KLHDC8A: variants seen among roughly 807,000 people sequenced by gnomAD.
The protein encoded by KLHDC8A is kelch domain-containing protein 8A.
In KLHDC8A, 21 loss-of-function variants were observed where a neutral mutation model predicts 33.1. The ratio of observed to expected loss-of-function variants is 0.64; its 90% CI spans 0.45 to 0.91. KLHDC8A has a LOEUF of 0.91. Among genes scored for constraint, KLHDC8A ranks in the 40% least tolerant of loss-of-function variants. The pLI is 0.00. For missense variants in KLHDC8A, 435 were observed against 483.3 expected (o/e 0.90, Z 0.94); for synonymous variants, 173 against 193.5 (o/e 0.89, Z 0.88).
chr1:205,351,549 G>A, intron 1 of KLHDC8A: 3 of 626,806 alleles, frequency 4.8e-6, no homozygotes, highest in Non-Finnish European at 3.0e-6. Context: ...GTAAAAATTA[G>A]GTCATGTACA....
At chr1:205,338,707 C>T (rs2102278263) in intron 4 of KLHDC8A, 111 bp from the exon 5 acceptor site, 1 of 783,110 alleles carries the variant, frequency 1.3e-6, no homozygotes, top group Middle Eastern at 2.4e-4. Flanking sequence ...TGTCTTCACT[C>T]TATTTATCCT....
At position 205,339,652 on chromosome 1, in the gene KLHDC8A, T is replaced by G; in HGVS notation, c.533A>C (p.Tyr178Ser). Residue 178 changes from tyrosine (Y) to serine (S), a missense_variant, in exon 3 of 6, where the codon TAC becomes TCC. Transcript: ENST00000367155. The surrounding 1 kb of genome is among the most constrained non-coding windows in gnomAD (Gnocchi z 5.1). ...CAGTAACCTGTCCTTACCCAGCACGTAGATCTTGGAGCCTCGGAGGAAGGA... is the reference window on the plus strand; with the variant it reads ...CAGTAACCTGTCCTTACCCAGCACGGAGATCTTGGAGCCTCGGAGGAAGGA... ...ATSFLRGSKI[Y>S]VLGGRQSKYA... 1 of 1,613,838 alleles carries G rather than the reference T, an allele frequency of 6.2e-7. No homozygotes were observed. The highest frequency in any genetic ancestry group is 8.5e-7 in the Non-Finnish European group (1 of 1,179,970).
chr1:205,343,637 A>T lies in KLHDC8A; in HGVS notation c.-33T>A, dbSNP rs1235881242. The stretch of plus-strand genomic sequence containing the variant: ...TTGGGGAGCGCCCGGGCGCCGGGAG[A>T]GGTGCGAGCGCGGGGGTCCACCGGC... On this transcript the variant is annotated 5_prime_UTR_variant, in exon 2 of 6. Transcript: ENST00000367155. The T allele has an allele frequency of 6.5e-7, 1 of 1,537,546 alleles. No homozygotes were observed. The highest frequency in any genetic ancestry group is 1.2e-5 in the South Asian group (1 of 80,704).
chr1:205,351,711 G>A (rs1558690391), intron 1 of KLHDC8A, among the ~76,000 whole-genome samples: 1 of 151,798 alleles, frequency 6.6e-6, no homozygotes, highest in African/African-American at 2.4e-5. Context: ...CTGAGGTCGG[G>A]AGTTTGAGAC....
chr1:205,339,835 T>C lies in KLHDC8A; in HGVS notation c.377-27A>G. 6.2e-7 allele frequency: 1 copy of C among 1,606,966 alleles called. No individual in the cohort carries two copies. The highest frequency in any genetic ancestry group is 8.5e-7 in the Non-Finnish European group (1 of 1,175,908). The stretch of plus-strand genomic sequence containing the variant: ...TAAGAAGAAAGGCCATACATGCCCC[T>C]GGCTTAGCTCACAGGTACAGCAAGA... On this transcript the variant is annotated intron_variant, in intron 2 of 5. Transcript: ENST00000367155. The surrounding 1 kb of genome is among the most constrained non-coding windows in gnomAD (Gnocchi z 5.1).
At chr1:205,338,876 G>C (rs890621929) in intron 4 of KLHDC8A, among the ~76,000 whole-genome samples, 1 of 152,068 alleles carries the variant, frequency 6.6e-6, no homozygotes, top group Non-Finnish European at 1.5e-5. Context: ...GAGGAGTCAG[G>C]ATCCTTCTGT....
At chr1:205,344,158 G>T (rs1432233251) in intron 1 of KLHDC8A, 1 of 152,346 alleles carries the variant, frequency 6.6e-6, no homozygotes, top group Non-Finnish European at 1.5e-5. Context: ...GGAGCGCGGC[G>T]GCGAGGCGCA....
chr1:205,346,654 T>A (rs1023235934), intron 1 of KLHDC8A, among the ~76,000 whole-genome samples: 2 of 152,124 alleles, frequency 1.3e-5, no homozygotes, highest in Middle Eastern at 3.2e-3. Flanking sequence ...TGAGCCTTAA[T>A]GAGATGAAGT....
At chr1:205,347,447 T>C (rs1219480479) in intron 1 of KLHDC8A, among the ~76,000 whole-genome samples, 1 of 152,246 alleles carries the variant, frequency 6.6e-6, no homozygotes, top group Non-Finnish European at 1.5e-5. Flanking sequence ...ACGCTGGATG[T>C]GGTGGCTTGT....
At chr1:205,351,383 T>A in intron 1 of KLHDC8A, 1 of 870,070 alleles carries the variant, frequency 1.1e-6, no homozygotes, top group Non-Finnish European at 2.0e-6. Context: ...GATGAATGTG[T>A]GGAAATGGCG....
At chr1:205,342,505 G>C (rs369106068) in intron 2 of KLHDC8A, among the ~76,000 whole-genome samples, 8 of 152,332 alleles carry the variant, frequency 5.3e-5, no homozygotes, top group African/African-American at 1.2e-4. Flanking sequence ...GGACAGAGCA[G>C]GTGCTCAAGA....
chr1:205,351,344 G>T lies in KLHDC8A; in HGVS notation c.-190+5189C>A, dbSNP rs1663100129. 8 of 910,348 alleles carry T rather than the reference G, an allele frequency of 8.8e-6. No individual in the cohort carries two copies. The East Asian group carries it at 1.9e-4, about 22-fold the overall frequency. 56.4% of individuals were successfully genotyped at this position (910,348 alleles called of 1,614,324 possible). ...AGACATGTCCAAGGAATATTGCGGGGATTTGATCCCTTTATGAACCTTGTG... is the reference window on the plus strand; with the variant it reads ...AGACATGTCCAAGGAATATTGCGGGTATTTGATCCCTTTATGAACCTTGTG... On this transcript the variant is annotated intron_variant, in intron 1 of 5. Coordinates refer to ENST00000367155, the MANE Select transcript of KLHDC8A (RefSeq NM_018203.3).
intron 1 of KLHDC8A, among the ~76,000 whole-genome samples, chr1:205,346,038 C>A (rs1258103428): frequency 6.6e-6 from 1 of 152,214 alleles, no homozygotes; most frequent in Admixed American, 6.5e-5. Flanking sequence ...TGCACCATTG[C>A]ACTCCATCCA....
rs1409525446 is a variant in KLHDC8A, at chr1:205,339,399, C to A, written c.552G>T (p.Gln184His). Residue 184 changes from glutamine to histidine, a missense_variant, in exon 4 of 6, where the codon CAG (glutamine) becomes CAT (histidine). Physicochemically the swap from Gln to His is conservative, Grantham distance 24. Transcript: ENST00000367155. The surrounding 1 kb of genome is among the most constrained non-coding windows in gnomAD (Gnocchi z 5.1). Reference protein sequence around the residue: ...GSKIYVLGGRQSKYAVNAFEV... With the variant: ...GSKIYVLGGRHSKYAVNAFEV... ...CGAAAGCGTTGACCGCGTACTTGGACTGTCGTCCCCCTGGGGGCCAGAGCA... is the reference window on the plus strand; with the variant it reads ...CGAAAGCGTTGACCGCGTACTTGGAATGTCGTCCCCCTGGGGGCCAGAGCA... The A allele has an allele frequency of 1.2e-6, 2 of 1,613,402 alleles. No individual in the cohort carries two copies. Among genetic ancestry groups the A allele is most frequent in the East Asian group, 4.5e-5 (2 of 44,880 alleles).
chr1:205,355,100 G>T (rs1024058274), intron 1 of KLHDC8A, among the ~76,000 whole-genome samples: 1 of 152,164 alleles, frequency 6.6e-6, no homozygotes, highest in African/African-American at 2.4e-5. Context: ...TCTCTATAAA[G>T]TGTATCACTC....
At chr1:205,338,248 C>T (rs529573318) in intron 5 of KLHDC8A, among the ~76,000 whole-genome samples, 5 of 152,330 alleles carry the variant, frequency 3.3e-5, no homozygotes, top group South Asian at 2.1e-4. Flanking sequence ...TGCACGGCTA[C>T]GGGTGTCCCT....
intron 5 of KLHDC8A, among the ~76,000 whole-genome samples, chr1:205,337,923 TGAGTA>T (rs1662679300): frequency 6.6e-6 from 1 of 152,178 alleles, no homozygotes. Flanking sequence ...CCTTCATGCC[TGAGTA>T]AAGTGGGAGT....
intron 2 of KLHDC8A, among the ~76,000 whole-genome samples, chr1:205,340,349 G>A (rs536393745): frequency 1.2e-4 from 18 of 152,144 alleles, no homozygotes; most frequent in African/African-American, 4.1e-4. Flanking sequence ...ACGACTACAC[G>A]CCCTAGTCTT....
intron 1 of KLHDC8A, among the ~76,000 whole-genome samples, chr1:205,347,534 C>T (rs1048597320): frequency 6.6e-6 from 1 of 152,086 alleles, no homozygotes; most frequent in Admixed American, 6.6e-5. Flanking sequence ...GCCTCAAAAA[C>T]ATAGTGAGAC....
Sources: allele counts gnomAD v4.1 joint callset (sites outside exome capture counted in the v4.1 genomes callset), GRCh38; gene constraint gnomAD v4.1.1; non-coding constraint Gnocchi (gnomAD v3.1); transcripts MANE v1.5; gene names NCBI Gene and HGNC (gene_info 2026-07-23, HGNC 2026-07-21).